The following CMSS1 variants were observed in gnomAD, a reference collection of about 807,000 sequenced individuals.
CMSS1 encodes the protein protein CMSS1.
In CMSS1, 33 loss-of-function variants were observed where a neutral mutation model predicts 43.5. That is an observed-to-expected ratio of 0.76 (90% CI 0.57 to 1.01). CMSS1 has a LOEUF of 1.01. Among genes scored for constraint, CMSS1 ranks in the 50% least tolerant of loss-of-function variants. The pLI is 0.00. For missense variants in CMSS1, 313 were observed against 326.4 expected (o/e 0.96, Z 0.32); for synonymous variants, 115 against 117.2 (o/e 0.98, Z 0.12).
chr3:100,105,364 C>T (rs925584191), intron 1 of CMSS1, among the ~76,000 whole-genome samples: 1 of 152,178 alleles, frequency 6.6e-6, no homozygotes, highest in African/African-American at 2.4e-5. Flanking sequence ...TTTTTAGACA[C>T]ATATTTCTCA....
At chr3:100,126,336 A>G (rs183733384) in intron 1 of CMSS1, among the ~76,000 whole-genome samples, 2 of 152,364 alleles carry the variant, frequency 1.3e-5, no homozygotes, top group East Asian at 1.9e-4. Context: ...AAAGGAAGCT[A>G]CTGTGCATTA....
chr3:100,165,236 G>A (rs1305111800), intron 4 of CMSS1, among the ~76,000 whole-genome samples: 1 of 152,098 alleles, frequency 6.6e-6, no homozygotes, highest in Non-Finnish European at 1.5e-5. Flanking sequence ...GGAGAAAACA[G>A]CTTTGAATTA....
rs1237546982 is a variant in CMSS1, at chr3:100,162,443, G to A, written c.355+11G>A. ...AACTGAACCTGCCAGGTATAGCCAA[G>A]CTTCAATTTTCCTAAAGACAAGGAG... On this transcript the variant is annotated intron_variant, in intron 4 of 9. Transcript: ENST00000421999. 6.2e-7 allele frequency: 1 copy of A among 1,604,256 alleles called. No individual in the cohort carries two copies. The highest frequency in any genetic ancestry group is 1.3e-5 in the African/African-American group (1 of 74,342).
chr3:100,028,648 A>T (rs2064969548), intron 1 of CMSS1, among the ~76,000 whole-genome samples: 1 of 152,210 alleles, frequency 6.6e-6, no homozygotes, highest in Non-Finnish European at 1.5e-5. Context: ...ATAAGGCTAA[A>T]AGAGACAATA....
chr3:99,831,431 A>T (rs983178458), intron 1 of CMSS1, among the ~76,000 whole-genome samples: 1 of 152,186 alleles, frequency 6.6e-6, no homozygotes, highest in Admixed American at 6.5e-5. Flanking sequence ...CATATTTTAT[A>T]GTAAGTATGC....
chr3:100,167,663 G>A lies in CMSS1; in HGVS notation c.416-75G>A, dbSNP rs937346961. On this transcript the variant is annotated intron_variant, in intron 5 of 9. Coordinates refer to ENST00000421999, the MANE Select transcript of CMSS1 (RefSeq NM_032359.4). ...TTGTTTTGTTTAAATACTCAACAAA[G>A]AAGAAATGCTCAACTTGGGAGGTGT... 9 of 847,798 alleles carry A rather than the reference G, an allele frequency of 1.1e-5. No homozygotes were observed. In the African/African-American group the frequency reaches 1.5e-4, roughly 14 times the overall value. 52.5% of individuals were successfully genotyped at this position (847,798 alleles called of 1,614,324 possible).
chr3:100,008,765 T>C (rs1175487707), intron 1 of CMSS1, among the ~76,000 whole-genome samples: 16 of 152,204 alleles, frequency 1.1e-4, no homozygotes, highest in Admixed American at 6.5e-5. Context: ...AGGAGGAGTA[T>C]TGTCTTGCTC....
At chr3:100,160,895 A>G (rs574951890) in intron 3 of CMSS1, among the ~76,000 whole-genome samples, 3 of 152,350 alleles carry the variant, frequency 2.0e-5, no homozygotes, top group Non-Finnish European at 4.4e-5. Flanking sequence ...AAGACCTTAT[A>G]CCTTAAAGTA....
chr3:100,033,186 C>G (rs1325617876), intron 1 of CMSS1, among the ~76,000 whole-genome samples: 1 of 152,094 alleles, frequency 6.6e-6, no homozygotes, highest in African/African-American at 2.4e-5. Flanking sequence ...CCCTTAAAAC[C>G]TTAGAAAAAA....
intron 1 of CMSS1, among the ~76,000 whole-genome samples, chr3:100,127,919 G>C (rs1036377391): frequency 3.9e-5 from 6 of 152,116 alleles, no homozygotes; most frequent in African/African-American, 1.4e-4. Flanking sequence ...CCTCTCTTAG[G>C]TCCCATCAGT....
intron 2 of CMSS1, among the ~76,000 whole-genome samples, chr3:100,150,418 T>C (rs981049581): frequency 3.3e-5 from 5 of 152,200 alleles, no homozygotes; most frequent in Non-Finnish European, 5.9e-5. Context: ...ATTCCTTCAG[T>C]TTTTCTTTAT....
intron 3 of CMSS1, among the ~76,000 whole-genome samples, chr3:100,161,219 C>T (rs1449517066): frequency 6.6e-6 from 1 of 152,214 alleles, no homozygotes; most frequent in Non-Finnish European, 1.5e-5. Flanking sequence ...AAACCTATTA[C>T]TTAACAGCAA....
chr3:99,855,117 A>T (rs1304937700), intron 1 of CMSS1, among the ~76,000 whole-genome samples: 1 of 152,108 alleles, frequency 6.6e-6, no homozygotes, highest in African/African-American at 2.4e-5. Flanking sequence ...AACTCTGCCA[A>T]TTGTTGTTCA....
At position 99,947,918 on chromosome 3, in the gene CMSS1, T is replaced by C. The variant is rs540279171; in HGVS notation, c.64+129875T>C. On this transcript the variant is annotated intron_variant, in intron 1 of 9. Coordinates refer to ENST00000421999, the MANE Select transcript of CMSS1 (RefSeq NM_032359.4). ...CCTTTCATGGAGGAAGCTGTTATTA[T>C]ATTTACAGATTACCTCATCATATAG... is the stretch of plus-strand genomic sequence containing the variant. 2.0e-4 allele frequency among the ~76,000 whole-genome samples: 31 copies of C among 152,346 alleles called. No homozygotes were observed. In the South Asian group the frequency reaches 6.0e-3, roughly 30 times the overall value.
chr3:100,030,548 G>T (rs549110333), intron 1 of CMSS1, among the ~76,000 whole-genome samples: 24 of 152,216 alleles, frequency 1.6e-4, no homozygotes, highest in Admixed American at 1.3e-3. Flanking sequence ...TTTTCCCGTT[G>T]AGAGCACCTG....
intron 1 of CMSS1, among the ~76,000 whole-genome samples, chr3:100,095,984 A>T (rs2066199262): frequency 6.6e-6 from 1 of 152,212 alleles, no homozygotes; most frequent in Admixed American, 6.5e-5. Context: ...CATTTCTCAA[A>T]CGAAGACATA....
At chr3:99,833,035 G>T in intron 1 of CMSS1, 1 of 575,956 alleles carries the variant, frequency 1.7e-6, no homozygotes. Context: ...CATGCATATG[G>T]CTCTTTTAAG....
At chr3:99,850,990 T>A in intron 1 of CMSS1, 1 of 1,613,960 alleles carries the variant, frequency 6.2e-7, no homozygotes, top group Non-Finnish European at 8.5e-7. Flanking sequence ...CAGCTCCTCT[T>A]TCAGGGTGGT....
At chr3:99,898,142 C>A (rs548846672) in intron 1 of CMSS1, 2 of 152,010 alleles carry the variant, frequency 1.3e-5, no homozygotes, top group Admixed American at 1.3e-4. Context: ...TTAAATGTAG[C>A]TTATTTGAGG....
Sources: allele counts gnomAD v4.1 joint callset (sites outside exome capture counted in the v4.1 genomes callset), GRCh38; gene constraint gnomAD v4.1.1; transcripts MANE v1.5; gene names NCBI Gene and HGNC (gene_info 2026-07-23, HGNC 2026-07-21).